Variants in CACNA1D observed in about 807,000 individuals in gnomAD.
CACNA1D encodes the protein calcium voltage-gated channel subunit alpha1 D, also known as voltage-dependent L-type calcium channel subunit alpha-1D.
A neutral mutation model predicts 257.1 loss-of-function variants in CACNA1D; 55 were observed. The ratio of observed to expected loss-of-function variants is 0.21; its 90% CI spans 0.17 to 0.27. CACNA1D has a LOEUF of 0.27. Ranked by LOEUF, CACNA1D falls within the 10% of genes least tolerant of loss-of-function variation. The pLI, the probability that CACNA1D is intolerant of heterozygous loss-of-function variation, is 1.00. For synonymous variants in CACNA1D, 980 were observed against 1,014.9 expected (o/e 0.97, Z 0.65); for missense variants, 1,876 against 2,784.0 (o/e 0.67, Z 7.34).
intron 3 of CACNA1D, among the ~76,000 whole-genome samples, chr3:53,622,918 C>T (rs1460740173): frequency 6.7e-6 from 1 of 149,800 alleles, no homozygotes; most frequent in Admixed American, 6.6e-5. Flanking sequence ...GAGACGGAGT[C>T]TTGCTCTGTC....
rs577059688 is a variant in CACNA1D at position 53,609,364 on chromosome 3, T to C, written c.484-41415T>C. ...GGCAGAGCTTGCAGTGAGCCGAGAT[T>C]GCGCCACTGCACTCCAGCCTGGATG... On this transcript the variant is annotated intron_variant, in intron 3 of 47. Coordinates refer to ENST00000350061, the MANE Select transcript of CACNA1D (RefSeq NM_001128840.3). Among the ~76,000 whole-genome samples the C allele has an allele frequency of 2.1e-3, 301 of 144,508 alleles. 3 individuals are homozygous for C. Among genetic ancestry groups the C allele is most frequent in the African/African-American group, 7.3e-3 (281 of 38,398 alleles). 94.8% of individuals were successfully genotyped at this position (144,508 alleles called of 152,430 possible).
chr3:53,684,498 C>T (rs918498467), intron 8 of CACNA1D, among the ~76,000 whole-genome samples: 3 of 151,932 alleles, frequency 2.0e-5, no homozygotes, highest in African/African-American at 7.3e-5. Flanking sequence ...TGGCGCATGC[C>T]TGTGGTCCCA....
chr3:53,601,251 A>G (rs2093438077), intron 3 of CACNA1D, among the ~76,000 whole-genome samples: 1 of 152,176 alleles, frequency 6.6e-6, no homozygotes, highest in African/African-American at 2.4e-5. Flanking sequence ...AGCATGGCTT[A>G]CTCAAGCTTT....
chr3:53,573,430 T>A (rs181031502), intron 3 of CACNA1D, among the ~76,000 whole-genome samples: 6 of 152,332 alleles, frequency 3.9e-5, no homozygotes, highest in East Asian at 1.9e-4. Flanking sequence ...GAACTTTTTT[T>A]AAATACTGGT....
Position 53,722,424 on chromosome 3 carries a change from C to G in CACNA1D, c.1616C>G (p.Thr539Ser). 6.2e-7 allele frequency: 1 copy of G among 1,614,212 alleles called. No homozygotes were observed. The highest frequency in any genetic ancestry group is 8.5e-7 in the Non-Finnish European group (1 of 1,180,038). ...VIVLVFLNTL[T>S]ISSEHYNQPD... Reference sequence around the variant, plus strand: ...GTCCTGGTGTTTCTGAACACCTTAACCATTTCCTCTGAGCACTACAATCAG... The same window carrying G: ...GTCCTGGTGTTTCTGAACACCTTAAGCATTTCCTCTGAGCACTACAATCAG... Residue 539 changes from threonine (T) to serine (S), a missense_variant, in exon 12 of 48, where the codon ACC (threonine) becomes AGC (serine). Around this residue, in one of 10 missense-constraint regions of CACNA1D, gnomAD observed 257 missense variants for 399.7 expected, o/e 0.64. Transcript: ENST00000350061.
intron 43 of CACNA1D, among the ~76,000 whole-genome samples, chr3:53,803,134 T>A (rs1392126495): frequency 6.6e-6 from 1 of 152,118 alleles, no homozygotes; most frequent in Non-Finnish European, 1.5e-5. Context: ...GTTCTCCAAA[T>A]TGCACCTATT....
At position 53,592,980 on chromosome 3, in the gene CACNA1D, C is replaced by T. The variant is rs140618206; in HGVS notation, c.484-57799C>T. Among the ~76,000 whole-genome samples the T allele has an allele frequency of 2.4e-3, 359 of 152,274 alleles. 1 individual carries two copies. Among genetic ancestry groups the T allele is most frequent in the African/African-American group, 7.9e-3 (327 of 41,540 alleles). Reference sequence around the variant, plus strand: ...CTGGGATTACAGGTGTGAGCCACTGCGCCTGGCCAATCCTAGTTCTTTTAC... The same window carrying T: ...CTGGGATTACAGGTGTGAGCCACTGTGCCTGGCCAATCCTAGTTCTTTTAC... On this transcript the variant is annotated intron_variant, in intron 3 of 47. Coordinates refer to ENST00000350061, the MANE Select transcript of CACNA1D (RefSeq NM_001128840.3).
chr3:53,581,159 C>G lies in CACNA1D; in HGVS notation c.484-69620C>G, dbSNP rs887957147. On this transcript the variant is annotated intron_variant, in intron 3 of 47. Transcript: ENST00000350061. ...TGTGCAGCGCTTGTCAAAGTTAAGC[C>G]TTGTACATGTGTGAGGACTTTGTTC... Among the ~76,000 whole-genome samples, 4 of 152,220 alleles carry G rather than the reference C, an allele frequency of 2.6e-5. No individual in the cohort carries two copies. In the East Asian group the frequency reaches 7.7e-4, roughly 29 times the overall value.
chr3:53,685,165 C>G (rs1195305946), intron 8 of CACNA1D, among the ~76,000 whole-genome samples: 1 of 152,106 alleles, frequency 6.6e-6, no homozygotes, highest in Non-Finnish European at 1.5e-5. Context: ...ATGAACTGTA[C>G]TAATCCACAC....
chr3:53,581,049 C>A (rs969429700), intron 3 of CACNA1D, among the ~76,000 whole-genome samples: 1 of 152,208 alleles, frequency 6.6e-6, no homozygotes, highest in African/African-American at 2.4e-5. Context: ...TATCCTGTCT[C>A]GCCCAGTCAG....
rs142951079 is a variant in CACNA1D, at chr3:53,666,384, A to G, written c.965A>G (p.Asn322Ser). Residue 322 changes from asparagine (N) to serine (S), a missense_variant, in exon 7 of 48, where the codon AAT becomes AGT. By Grantham distance (46) the Asn-to-Ser change is conservative. This residue lies in a region of CACNA1D where 188 missense variants were observed against 390.4 expected (regional missense o/e 0.48). Coordinates refer to ENST00000350061, the MANE Select transcript of CACNA1D (RefSeq NM_001128840.3). ...EDPAPCAFSGNGRQCTANGTE... is the reference protein window; with the variant it reads ...EDPAPCAFSGSGRQCTANGTE... ...CCAGCTCCATGTGCGTTCTCAGGGA[A>G]TGGACGCCAGTGTACTGCCAATGGC... The G allele has an allele frequency of 1.2e-6, 2 of 1,614,058 alleles. No homozygotes were observed. The highest frequency in any genetic ancestry group is 1.3e-5 in the African/African-American group (1 of 74,934).
At chr3:53,610,078 C>A (rs567640130) in intron 3 of CACNA1D, among the ~76,000 whole-genome samples, 2 of 152,250 alleles carry the variant, frequency 1.3e-5, no homozygotes, top group East Asian at 3.9e-4. Context: ...ACTTTTAATT[C>A]CATTATGATC....
intron 40 of CACNA1D, chr3:53,791,079 T>A: frequency 1.4e-6 from 1 of 700,420 alleles, no homozygotes; most frequent in Non-Finnish European, 2.6e-6. Context: ...GGGAAAAGTC[T>A]CAAGTGGGCT....
chr3:53,703,120 AGAC>A (rs1293637773), intron 9 of CACNA1D, among the ~76,000 whole-genome samples: 1 of 152,230 alleles, frequency 6.6e-6, no homozygotes, highest in African/African-American at 2.4e-5. Flanking sequence ...AGGGGTGATG[AGAC>A]ACATATTCTT....
At chr3:53,565,080 T>G (rs1280231411) in intron 3 of CACNA1D, among the ~76,000 whole-genome samples, 2 of 152,210 alleles carry the variant, frequency 1.3e-5, no homozygotes, top group African/African-American at 4.8e-5. Context: ...TCTAACCCTT[T>G]CCCCACCTCT....
At chr3:53,534,044 G>A (rs910991326) in intron 3 of CACNA1D, among the ~76,000 whole-genome samples, 1 of 152,120 alleles carries the variant, frequency 6.6e-6, no homozygotes, top group Non-Finnish European at 1.5e-5. Context: ...GAGTTACCCC[G>A]GGGTTCAAGA....
At chr3:53,719,889 T>G (rs1424500268) in intron 11 of CACNA1D, 108 bp downstream of exon 11, 5 of 1,010,882 alleles carry the variant, frequency 4.9e-6, no homozygotes, top group Non-Finnish European at 6.4e-6. Context: ...CCTCTGTGGA[T>G]TATAACATTG....
chr3:53,578,620 G>C (rs796180915), intron 3 of CACNA1D, among the ~76,000 whole-genome samples: 37 of 152,212 alleles, frequency 2.4e-4, no homozygotes, highest in African/African-American at 8.9e-4. Flanking sequence ...GGAGGCGGAG[G>C]TCTACAAGGA....
At position 53,658,108 on chromosome 3, in the gene CACNA1D, C is replaced by T. The variant is rs117404952; in HGVS notation, c.624-2025C>T. 1.6e-3 allele frequency among the ~76,000 whole-genome samples: 244 copies of T among 152,272 alleles called. 4 individuals are homozygous for T. The East Asian group carries it at 0.041, about 26-fold the overall frequency. ...TTAGACAGCTCCTTGTCTTTTTTCT[C>T]CCACCTTGGGGTAAACTTTTAATAA... On this transcript the variant is annotated intron_variant, in intron 4 of 47. Coordinates refer to ENST00000350061, the MANE Select transcript of CACNA1D (RefSeq NM_001128840.3).
Sources: gnomAD v4.1 joint callset for allele counts (sites outside exome capture counted in the v4.1 genomes callset) on GRCh38, gnomAD v4.1.1 for gene constraint, gnomAD v4.1.1 regional missense constraint, MANE v1.5 for transcripts, NCBI Gene and HGNC (gene_info 2026-07-23, HGNC 2026-07-21) for gene names.